The following SLC39A9 variants were observed in gnomAD, a reference collection of about 807,000 sequenced individuals.
The protein encoded by SLC39A9 is solute carrier family 39 member 9, also known as zinc transporter ZIP9.
Under a neutral mutation model 28.4 loss-of-function variants are expected in SLC39A9, and 14 were observed. That is an observed-to-expected ratio of 0.49 (90% confidence interval 0.33 to 0.77). The LOEUF is 0.77. SLC39A9 is among the 30% of genes least tolerant of loss of function. The probability of loss-of-function intolerance (pLI) is 0.02; values close to 1 mark genes in which losing one functional copy is unlikely to be tolerated. For synonymous variants in SLC39A9, 119 were observed against 149.6 expected, an observed-to-expected ratio of 0.80 and a Z score of 1.49; for missense variants, 283 against 381.1, an observed-to-expected ratio of 0.74 and a Z score of 2.14.
rs186437844 is a variant in SLC39A9 at position 69,441,698 on chromosome 14, A to G, written c.206-371A>G. ...CATTGTTACTGCTCTTCATTTGCCT[A>G]TTTTCATCAGAAAAAAACAGTGTAT... On this transcript the variant is annotated intron_variant, in intron 2 of 6. Transcript: ENST00000336643. 64 of 620,854 alleles carry G rather than the reference A, an allele frequency of 1.0e-4. No homozygotes were observed. In the African/African-American group the frequency reaches 1.0e-3, roughly 10 times the overall value. 38.5% of individuals were successfully genotyped at this position (620,854 alleles called of 1,614,324 possible).
At chr14:69,429,279 A>G (rs1282727589) in intron 2 of SLC39A9, 3 of 152,012 alleles carry the variant, frequency 2.0e-5, no homozygotes, top group Non-Finnish European at 4.4e-5. Context: ...AATTTTTTTA[A>G]TCTTTTAATT....
chr14:69,435,656 C>T (rs1335152950), intron 2 of SLC39A9, among the ~76,000 whole-genome samples: 1 of 152,108 alleles, frequency 6.6e-6, no homozygotes, highest in Non-Finnish European at 1.5e-5. Context: ...ATTCTTTCCT[C>T]TGTCCTTTCC....
At position 69,446,279 on chromosome 14, in the gene SLC39A9, C is replaced by CATAT. The variant is rs140993985; in HGVS notation, c.403+4026_403+4029dup. 6.8e-3 allele frequency among the ~76,000 whole-genome samples: 990 copies of CATAT among 146,228 alleles called. 1 individual carries two copies. The highest frequency in any genetic ancestry group is 9.7e-3 in the Non-Finnish European group (648 of 66,526). ...GGTTTTGTATATATATTTATATATA[C>CATAT]ATATATATATATATATGTCCTAGCT... is the stretch of plus-strand genomic sequence containing the variant. On this transcript the variant is annotated intron_variant, in intron 3 of 6. Coordinates refer to ENST00000336643, the MANE Select transcript of SLC39A9 (RefSeq NM_018375.5).
At position 69,461,772 on chromosome 14, in the gene SLC39A9, C is replaced by T; in HGVS notation, c.*3179C>T. On this transcript the variant is annotated 3_prime_UTR_variant, in exon 7 of 7. Coordinates refer to ENST00000336643, the MANE Select transcript of SLC39A9 (RefSeq NM_018375.5). Reference sequence around the variant, plus strand: ...ACACATGGTAGCTAGGGACTGAACACAGGAACCGTATGACAGCAGCACAAA... The same window carrying T: ...ACACATGGTAGCTAGGGACTGAACATAGGAACCGTATGACAGCAGCACAAA... The T allele has an allele frequency of 6.5e-7, 1 of 1,531,290 alleles. No homozygotes were observed. The highest frequency in any genetic ancestry group is 8.7e-7 in the Non-Finnish European group (1 of 1,143,790). The allele number at this position is 1,531,290 out of a possible 1,614,324, so 94.9% of individuals were successfully genotyped here. A position where few individuals can be genotyped will look rare whatever the true frequency, so the allele number is the denominator to read the frequency against.
intron 2 of SLC39A9, among the ~76,000 whole-genome samples, chr14:69,427,650 T>G (rs995570549): frequency 2.0e-5 from 3 of 152,198 alleles, no homozygotes; most frequent in African/African-American, 7.2e-5. Context: ...TAGTTTTGCC[T>G]TTTCAGAATG....
intron 3 of SLC39A9, 25 bp from the exon 4 acceptor site, chr14:69,453,216 G>A: frequency 1.9e-6 from 3 of 1,598,652 alleles, no homozygotes; most frequent in Non-Finnish European, 2.6e-6. Flanking sequence ...ATAGCTTAAC[G>A]CTGTCTTTCT....
chr14:69,440,583 CAAAA>C (rs1250962683), intron 2 of SLC39A9, among the ~76,000 whole-genome samples: 2 of 151,916 alleles, frequency 1.3e-5, no homozygotes, highest in South Asian at 2.1e-4. Flanking sequence ...ATACCTGTCT[CAAAA>C]AGAAAGAAAG....
At position 69,460,983 on chromosome 14, in the gene SLC39A9, A is replaced by G. The variant is rs1691667802; in HGVS notation, c.*2390A>G. ...AGAGCTTGCTGGCATGGTGGGCAGT[A>G]TTCCAGGAGAGGCCATGTCCGTGTT... On this transcript the variant is annotated 3_prime_UTR_variant, in exon 7 of 7. Coordinates refer to ENST00000336643, the MANE Select transcript of SLC39A9 (RefSeq NM_018375.5). The G allele has an allele frequency of 1.0e-6, 1 of 985,576 alleles. No individual in the cohort carries two copies. Among genetic ancestry groups the G allele is most frequent in the Non-Finnish European group, 1.2e-6 (1 of 830,062 alleles). 61.1% of individuals were successfully genotyped at this position (985,576 alleles called of 1,614,324 possible). A position where few individuals can be genotyped will look rare whatever the true frequency, so the allele number is the denominator to read the frequency against.
intron 2 of SLC39A9, among the ~76,000 whole-genome samples, chr14:69,436,643 A>G (rs1329032226): frequency 6.6e-6 from 1 of 152,070 alleles, no homozygotes; most frequent in African/African-American, 2.4e-5. Flanking sequence ...TCCTGTGTAT[A>G]CTGAGTTCAG....
chr14:69,405,860 C>T (rs35657710), intron 1 of SLC39A9, among the ~76,000 whole-genome samples: 20,708 of 152,072 alleles, frequency 0.14, 1,490 homozygotes, highest in East Asian at 0.18. Flanking sequence ...GTTTATTGAG[C>T]TCTTTCTGTA....
chr14:69,461,979 T>G lies in SLC39A9; in HGVS notation c.*3386T>G, dbSNP rs1886131399. Reference sequence around the variant, plus strand: ...ACAGAATGGTCCACATCACCCAAAGTGCACTGTTGGAGATGCTGTGAAATT... The same window carrying G: ...ACAGAATGGTCCACATCACCCAAAGGGCACTGTTGGAGATGCTGTGAAATT... On this transcript the variant is annotated 3_prime_UTR_variant, in exon 7 of 7. Transcript: ENST00000336643. The G allele has an allele frequency of 2.5e-6, 1 of 399,850 alleles. No individual in the cohort carries two copies. Among genetic ancestry groups the G allele is most frequent in the African/African-American group, 2.0e-5 (1 of 49,776 alleles). The allele number at this position is 399,850 out of a possible 1,614,324, so 24.8% of individuals were successfully genotyped here.
intron 1 of SLC39A9, among the ~76,000 whole-genome samples, chr14:69,416,104 G>A (rs888149073): frequency 6.7e-6 from 1 of 149,820 alleles, no homozygotes; most frequent in African/African-American, 2.4e-5. Flanking sequence ...GGTGTGTGAT[G>A]TTCCCCACCC....
At position 69,458,992 on chromosome 14, in the gene SLC39A9, C is replaced by T; in HGVS notation, c.*399C>T. ...TGTCTCTTTCTTCTTAGTTTAGAGG[C>T]TCTGCTACTTTATCCATTGATTTTT... On this transcript the variant is annotated 3_prime_UTR_variant, in exon 7 of 7. Transcript: ENST00000336643. 1 of 995,084 alleles carries T rather than the reference C, an allele frequency of 1.0e-6. No individual in the cohort carries two copies. Among genetic ancestry groups the T allele is most frequent in the Non-Finnish European group, 1.2e-6 (1 of 835,252 alleles). The allele number at this position is 995,084 out of a possible 1,614,324, so 61.6% of individuals were successfully genotyped here.
Position 69,439,456 on chromosome 14 carries a change from A to G in SLC39A9, c.206-2613A>G, listed in dbSNP as rs568983027. Among the ~76,000 whole-genome samples, 3 of 152,366 alleles carry G rather than the reference A, an allele frequency of 2.0e-5. No individual in the cohort carries two copies. In the East Asian group the frequency reaches 5.8e-4, roughly 29 times the overall value. ...AAAACATTGATTTAAAAAATTGGAG[A>G]AAATATAAGTAAGGTATTCTGTGTT... On this transcript the variant is annotated intron_variant, in intron 2 of 6. Transcript: ENST00000336643.
At chr14:69,456,264 C>G (rs555883735) in intron 6 of SLC39A9, among the ~76,000 whole-genome samples, 1 of 152,172 alleles carries the variant, frequency 6.6e-6, no homozygotes, top group Non-Finnish European at 1.5e-5. Flanking sequence ...AGAGCAGCAG[C>G]TGGGCAGAGA....
At chr14:69,419,666 T>C (rs938992510) in intron 1 of SLC39A9, among the ~76,000 whole-genome samples, 3 of 152,224 alleles carry the variant, frequency 2.0e-5, no homozygotes, top group African/African-American at 7.2e-5. Context: ...AAGGACTTGC[T>C]TTATGAATCC....
At chr14:69,449,013 T>C (rs1885475225) in intron 3 of SLC39A9, among the ~76,000 whole-genome samples, 1 of 152,214 alleles carries the variant, frequency 6.6e-6, no homozygotes, top group Admixed American at 6.5e-5. Flanking sequence ...TCTTGCAACT[T>C]TACTGAAGGT....
At chr14:69,415,380 G>A (rs994225395) in intron 1 of SLC39A9, among the ~76,000 whole-genome samples, 1 of 152,182 alleles carries the variant, frequency 6.6e-6, no homozygotes, top group Admixed American at 6.5e-5. Context: ...ATGACTAAAT[G>A]ATGTTGAGCA....
At chr14:69,420,070 T>C (rs1444421358) in intron 1 of SLC39A9, among the ~76,000 whole-genome samples, 1 of 152,220 alleles carries the variant, frequency 6.6e-6, no homozygotes, top group Admixed American at 6.5e-5. Flanking sequence ...TGCCCGTTAG[T>C]TGGTGCAGTT....
Sources: gnomAD v4.1 joint callset for allele counts (sites outside exome capture counted in the v4.1 genomes callset) on GRCh38, gnomAD v4.1.1 for gene constraint, MANE v1.5 for transcripts, NCBI Gene and HGNC (gene_info 2026-07-23, HGNC 2026-07-21) for gene names.